AZGP1: variants seen among roughly 807,000 people sequenced by gnomAD.
AZGP1 encodes the protein alpha-2-glycoprotein 1, zinc-binding.
In AZGP1, 28 loss-of-function variants were observed where a neutral mutation model predicts 31.5. The observed-to-expected ratio is 0.89, with a 90% CI of 0.66 to 1.22. AZGP1 has a LOEUF of 1.22. Ranked by LOEUF, AZGP1 falls within the 50% of genes most tolerant of loss-of-function variation. The pLI is 0.00. For synonymous variants in AZGP1, 135 were observed against 145.4 expected, an observed-to-expected ratio of 0.93 and a Z score of 0.51; for missense variants, 361 against 371.8, an observed-to-expected ratio of 0.97 and a Z score of 0.24.
chr7:99,972,028 T>C (rs1194019878), intron 1 of AZGP1, 22 bp from the exon 2 acceptor site: 6 of 1,586,754 alleles, frequency 3.8e-6, no homozygotes, highest in Non-Finnish European at 5.1e-6. Context: ...AAGATTCTGA[T>C]GGTTGAGGTC....
chr7:99,975,247 C>T (rs189328910), intron 1 of AZGP1, among the ~76,000 whole-genome samples: 2 of 152,072 alleles, frequency 1.3e-5, no homozygotes, highest in East Asian at 3.9e-4. Flanking sequence ...ATTAACATTC[C>T]AAAGTGATTG....
Position 99,967,076 on chromosome 7 carries a change from G to C in AZGP1, c.824C>G (p.Thr275Arg), listed in dbSNP as rs1389644989. Residue 275 changes from threonine to arginine, a missense_variant, in exon 4 of 4, where the codon ACA (threonine) becomes AGA (arginine). Coordinates refer to ENST00000292401, the MANE Select transcript of AZGP1 (RefSeq NM_001185.4). ...WVVVAVPPQD[T>R]APYSCHVQHS... is the part of the protein sequence containing the mutation. ...CTGCACGTGGCAGGAGTAGGGGGCT[G>C]TGTCCTGCGGGGGCACTGCCACCAC... is the stretch of plus-strand genomic sequence containing the variant. 1.9e-6 allele frequency: 3 copies of C among 1,614,210 alleles called. No individual in the cohort carries two copies. Among genetic ancestry groups the C allele is most frequent in the Non-Finnish European group, 2.5e-6 (3 of 1,180,040 alleles).
rs1037072303 is a variant in AZGP1, at chr7:99,968,400, C to G, written c.368G>C (p.Cys123Ser). 11 of 1,613,972 alleles carry G rather than the reference C, an allele frequency of 6.8e-6. No individual in the cohort carries two copies. The highest frequency in any genetic ancestry group is 8.5e-6 in the Non-Finnish European group (10 of 1,180,022). ...GSHVLQGRFG[C>S]EIENNRSSGA... The stretch of plus-strand genomic sequence containing the variant: ...GCTGCTTCTGTTATTCTCGATCTCA[C>G]AACCAAACCTTCCCTGCAATACGTG... The change falls in exon 3 of 4, where the codon TGT (cysteine) becomes TCT (serine). Residue 123 changes from cysteine to serine, a missense_variant. Coordinates refer to ENST00000292401, the MANE Select transcript of AZGP1 (RefSeq NM_001185.4).
Position 99,971,893 on chromosome 7 carries a change from T to C in AZGP1, c.190A>G (p.Lys64Glu), listed in dbSNP as rs1789583824. The C allele has an allele frequency of 6.2e-7, 1 of 1,614,158 alleles. No individual in the cohort carries two copies. Among genetic ancestry groups the C allele is most frequent in the Non-Finnish European group, 8.5e-7 (1 of 1,180,014 alleles). Reference protein sequence around the residue: ...NDLQFFRYNSKDRKSQPMGLW... With the variant: ...NDLQFFRYNSEDRKSQPMGLW... ...CCCATGGGCTGAGACTTCCTGTCTT[T>C]ACTGTTGTATCTAAAGAACTGGAGG... is the stretch of plus-strand genomic sequence containing the variant. Residue 64 changes from lysine (K) to glutamate (E), a missense_variant, in exon 2 of 4, where the codon AAA becomes GAA. By Grantham distance (56) the Lys-to-Glu change is moderately conservative. Coordinates refer to ENST00000292401, the MANE Select transcript of AZGP1 (RefSeq NM_001185.4).
chr7:99,968,376 C>G lies in AZGP1; in HGVS notation c.392G>C (p.Ser131Thr), dbSNP rs1332072466. 1 of 1,613,842 alleles carries G rather than the reference C, an allele frequency of 6.2e-7. No homozygotes were observed. The change falls in exon 3 of 4, where the codon AGC becomes ACC. Residue 131 changes from serine (S) to threonine (T), a missense_variant. By Grantham distance (58) the Ser-to-Thr change is moderately conservative. Coordinates refer to ENST00000292401, the MANE Select transcript of AZGP1 (RefSeq NM_001185.4). ...FGCEIENNRS[S>T]GAFWKYYYDG... ...ATAGTAATATTTCCAGAATGCTCCG[C>G]TGCTTCTGTTATTCTCGATCTCACA... is the stretch of plus-strand genomic sequence containing the variant.
Position 99,971,809 on chromosome 7 carries a change from C to G in AZGP1, c.274G>C (p.Ala92Pro). ...DWKQDSQLQKAREDIFMETLK... is the reference protein window; with the variant it reads ...DWKQDSQLQKPREDIFMETLK... ...GTCTCCATAAAGATGTCCTCCCTGG[C>G]CTTCTGAAGTTGGCTGTCCTGCTTC... Residue 92 changes from alanine to proline, a missense_variant, in exon 2 of 4, where the codon GCC (alanine) becomes CCC (proline). Physicochemically the swap from Ala to Pro is conservative, Grantham distance 27. Transcript: ENST00000292401. 6.2e-7 allele frequency: 1 copy of G among 1,614,108 alleles called. No individual in the cohort carries two copies. Among genetic ancestry groups the G allele is most frequent in the Non-Finnish European group, 8.5e-7 (1 of 1,179,994 alleles).
chr7:99,967,098 C>A lies in AZGP1; in HGVS notation c.802G>T (p.Val268Leu). The stretch of plus-strand genomic sequence containing the variant: ...GCTGTGTCCTGCGGGGGCACTGCCA[C>A]CACCACCCAGGACTGGTAAGTGCCA... ...GNGTYQSWVV[V>L]AVPPQDTAPY... Residue 268 changes from valine to leucine, a missense_variant, in exon 4 of 4, where the codon GTG (valine) becomes TTG (leucine). Val to Leu is a conservative substitution (Grantham distance 32, BLOSUM62 1). Coordinates refer to ENST00000292401, the MANE Select transcript of AZGP1 (RefSeq NM_001185.4). 1.2e-6 allele frequency: 2 copies of A among 1,614,178 alleles called. No individual in the cohort carries two copies. Among genetic ancestry groups the A allele is most frequent in the Non-Finnish European group, 8.5e-7 (1 of 1,180,042 alleles).
At chr7:99,973,303 G>A (rs1562799041) in intron 1 of AZGP1, among the ~76,000 whole-genome samples, 1 of 152,164 alleles carries the variant, frequency 6.6e-6, no homozygotes. Context: ...GGATCTGGGA[G>A]AGAGGGACAT....
In AZGP1 at chr7:99,966,855, C is replaced by CTCCA; in HGVS notation, c.*144_*147dup. Reference sequence around the variant, plus strand: ...CAAGACAGGCATCCCAGTCTTCGGTCTCCAAATCCACCTCCTGTCTGTCCC... The same window carrying CTCCA: ...CAAGACAGGCATCCCAGTCTTCGGTCTCCATCCAAATCCACCTCCTGTCTGTCCC... On this transcript the variant is annotated 3_prime_UTR_variant, in exon 4 of 4. Coordinates refer to ENST00000292401, the MANE Select transcript of AZGP1 (RefSeq NM_001185.4). The CTCCA allele has an allele frequency of 7.9e-7, 1 of 1,266,966 alleles. No individual in the cohort carries two copies. Among genetic ancestry groups the CTCCA allele is most frequent in the Non-Finnish European group, 1.1e-6 (1 of 919,922 alleles). 78.5% of individuals were successfully genotyped at this position (1,266,966 alleles called of 1,614,324 possible). A position where few individuals can be genotyped will look rare whatever the true frequency, so the allele number is the denominator to read the frequency against.
At chr7:99,968,806 T>G in intron 2 of AZGP1, 1 of 233,004 alleles carries the variant, frequency 4.3e-6, no homozygotes, top group Non-Finnish European at 8.2e-6. Context: ...CTACAAAAAA[T>G]ATAAAAATTA....
At chr7:99,972,900 G>A (rs1379092198) in intron 1 of AZGP1, among the ~76,000 whole-genome samples, 2 of 152,104 alleles carry the variant, frequency 1.3e-5, no homozygotes, top group African/African-American at 4.8e-5. Flanking sequence ...GGTGGATCAC[G>A]AGGTCAGGAG....
In AZGP1 at chr7:99,966,883, C is replaced by A. The variant is rs188744857; in HGVS notation, c.*120G>T. On this transcript the variant is annotated 3_prime_UTR_variant, in exon 4 of 4. Coordinates refer to ENST00000292401, the MANE Select transcript of AZGP1 (RefSeq NM_001185.4). ...CAAATCCACCTCCTGTCTGTCCCCC[C>A]ACACTGCTCCTCAGGCCTTGTGGAT... 114 of 1,408,776 alleles carry A rather than the reference C, an allele frequency of 8.1e-5. No homozygotes were observed. Among genetic ancestry groups the A allele is most frequent in the Non-Finnish European group, 9.0e-5 (93 of 1,037,610 alleles). 87.3% of individuals were successfully genotyped at this position (1,408,776 alleles called of 1,614,324 possible).
chr7:99,968,586 C>A, intron 2 of AZGP1, 156 bp from the exon 3 acceptor site: 1 of 908,894 alleles, frequency 1.1e-6, no homozygotes, highest in Non-Finnish European at 1.7e-6. Flanking sequence ...GTTATTACTC[C>A]AATATATACA....
Position 99,968,214 on chromosome 7 carries a change from T to C in AZGP1, c.554A>G (p.Glu185Gly). 6.2e-7 allele frequency: 1 copy of C among 1,613,848 alleles called. No homozygotes were observed. ...VQRAKAYLEE[E>G]CPATLRKYLK... Reference sequence around the variant, plus strand: ...GTATTTCCGCAGAGTCGCAGGGCACTCCTCCTCCAGGTAAGCCTTGGCCCG... The same window carrying C: ...GTATTTCCGCAGAGTCGCAGGGCACCCCTCCTCCAGGTAAGCCTTGGCCCG... The change falls in exon 3 of 4, where the codon GAG becomes GGG. Residue 185 changes from glutamate (E) to glycine (G), a missense_variant. Physicochemically the swap from Glu to Gly is moderately conservative, Grantham distance 98. Coordinates refer to ENST00000292401, the MANE Select transcript of AZGP1 (RefSeq NM_001185.4).
chr7:99,967,736 C>T (rs1789507353), intron 3 of AZGP1: 2 of 443,030 alleles, frequency 4.5e-6, no homozygotes, highest in African/African-American at 2.0e-5. Context: ...CTGGGGCTGA[C>T]ATTTTACACG....
intron 2 of AZGP1, among the ~76,000 whole-genome samples, chr7:99,969,544 C>T (rs969450093): frequency 6.6e-6 from 1 of 151,714 alleles, no homozygotes; most frequent in Non-Finnish European, 1.5e-5. Context: ...TGCATCACTG[C>T]ACTCCAGCTT....
chr7:99,975,877 G>A, intron 1 of AZGP1, 68 bp downstream of exon 1: 1 of 1,564,238 alleles, frequency 6.4e-7, no homozygotes, highest in Non-Finnish European at 8.8e-7. Context: ...CTGTCTCCCA[G>A]CCACATGTCC....
At chr7:99,969,408 T>TACAA (rs1789545394) in intron 2 of AZGP1, among the ~76,000 whole-genome samples, 1 of 141,332 alleles carries the variant, frequency 7.1e-6, no homozygotes, top group Non-Finnish European at 1.5e-5. Flanking sequence ...GACTCAGTCT[T>TACAA]AAAAAAAAAA....
chr7:99,968,480 T>G (rs1260287783), intron 2 of AZGP1, 50 bp from the exon 3 acceptor site: 2 of 1,588,932 alleles, frequency 1.3e-6, no homozygotes, highest in Admixed American at 2.0e-5. Flanking sequence ...GGTGAGAAAT[T>G]TATCAAAATA....
Sources: gnomAD v4.1 joint callset for allele counts (sites outside exome capture counted in the v4.1 genomes callset) on GRCh38, gnomAD v4.1.1 for gene constraint, MANE v1.5 for transcripts, NCBI Gene and HGNC (gene_info 2026-07-23, HGNC 2026-07-21) for gene names.